XPR1: variants seen among roughly 807,000 people sequenced by gnomAD.
The protein encoded by XPR1 is solute carrier family 53 member 1.
Under a neutral mutation model 87.5 loss-of-function variants are expected in XPR1, and 28 were observed. The ratio of observed to expected loss-of-function variants is 0.32; its 90% CI spans 0.24 to 0.44. XPR1 has a LOEUF of 0.44. Ranked by LOEUF, XPR1 falls within the 20% of genes least tolerant of loss-of-function variation. The pLI is 1.00. For synonymous variants in XPR1, 300 were observed against 306.1 expected (o/e 0.98, Z 0.21); for missense variants, 559 against 862.3 (o/e 0.65, Z 4.41).
chr1:180,703,839 T>C (rs1479199373), intron 2 of XPR1, among the ~76,000 whole-genome samples: 2 of 152,144 alleles, frequency 1.3e-5, no homozygotes, highest in African/African-American at 4.8e-5. Flanking sequence ...ATTAATCTGG[T>C]CCTTAGTTGC....
intron 3 of XPR1, among the ~76,000 whole-genome samples, chr1:180,799,398 A>G (rs535867521): frequency 1.3e-5 from 2 of 151,992 alleles, no homozygotes; most frequent in Admixed American, 6.6e-5. Context: ...TTGTCTCCCA[A>G]CTTTTCTGTT....
intron 2 of XPR1, among the ~76,000 whole-genome samples, chr1:180,711,082 C>G (rs1358944353): frequency 6.6e-6 from 1 of 151,426 alleles, no homozygotes; most frequent in Non-Finnish European, 1.5e-5. Context: ...CGCTCCTCAC[C>G]TCCCAGACGG....
intron 1 of XPR1, among the ~76,000 whole-genome samples, chr1:180,653,205 G>A (rs1363350574): frequency 6.6e-6 from 1 of 152,086 alleles, no homozygotes; most frequent in African/African-American, 2.4e-5. Context: ...CAGATACAAG[G>A]CTAACCTGTA....
intron 6 of XPR1, among the ~76,000 whole-genome samples, chr1:180,807,576 A>G (rs1210970771): frequency 3.3e-5 from 5 of 152,254 alleles, no homozygotes; most frequent in Non-Finnish European, 5.9e-5. Flanking sequence ...GAGAGATGCT[A>G]TGTTCATGGG....
intron 2 of XPR1, among the ~76,000 whole-genome samples, chr1:180,709,641 GTCAATGTT>G (rs1298013955): frequency 1.3e-5 from 2 of 152,058 alleles, no homozygotes; most frequent in African/African-American, 4.8e-5. Context: ...CTTAGAATGT[GTCAATGTT>G]TCATTTTTTT....
chr1:180,704,235 A>G lies in XPR1; in HGVS notation c.121+21824A>G, dbSNP rs573300636. On this transcript the variant is annotated intron_variant, in intron 2 of 14. Coordinates refer to ENST00000367590, the MANE Select transcript of XPR1 (RefSeq NM_004736.4). ...TGTATGTATTTTTCTCAAGAACACT[A>G]TAGGTGCTGGATATATATATATATA... is the stretch of plus-strand genomic sequence containing the variant. Among the ~76,000 whole-genome samples the G allele has an allele frequency of 1.9e-4, 12 of 63,432 alleles. 1 individual carries two copies. In the South Asian group the frequency reaches 4.0e-3, roughly 21 times the overall value. 41.6% of individuals were successfully genotyped at this position (63,432 alleles called of 152,430 possible). A position where few individuals can be genotyped will look rare whatever the true frequency, so the allele number is the denominator to read the frequency against.
intron 2 of XPR1, among the ~76,000 whole-genome samples, chr1:180,724,951 C>T (rs565209798): frequency 5.9e-5 from 9 of 152,142 alleles, no homozygotes; most frequent in African/African-American, 1.9e-4. Flanking sequence ...TCCACAAACC[C>T]GTCGCCATAA....
At chr1:180,825,799 C>A (rs1650810525) in intron 9 of XPR1, among the ~76,000 whole-genome samples, 1 of 152,186 alleles carries the variant, frequency 6.6e-6, no homozygotes. Context: ...GCCTGTAATC[C>A]TAGCACTTTA....
intron 2 of XPR1, among the ~76,000 whole-genome samples, chr1:180,701,552 TC>T: frequency 1.4e-5 from 2 of 140,934 alleles, no homozygotes; most frequent in South Asian, 2.2e-4. Flanking sequence ...CAGCCTTGCA[TC>T]CCAGGGATGA....
intron 13 of XPR1, among the ~76,000 whole-genome samples, chr1:180,879,623 TC>T (rs1173442264): frequency 6.6e-6 from 1 of 152,226 alleles, no homozygotes; most frequent in African/African-American, 2.4e-5. Context: ...AAAGAAGCTT[TC>T]CCTAACCAGT....
intron 11 of XPR1, among the ~76,000 whole-genome samples, chr1:180,850,486 A>G (rs957722942): frequency 2.0e-5 from 3 of 152,162 alleles, no homozygotes; most frequent in Non-Finnish European, 2.9e-5. Context: ...TCTGATTACT[A>G]TATTCTGTAT....
intron 13 of XPR1, 101 bp from the exon 14 acceptor site, chr1:180,879,975 T>C: frequency 2.3e-6 from 3 of 1,284,058 alleles, no homozygotes; most frequent in Non-Finnish European, 3.3e-6. Context: ...AATTCTTTGT[T>C]TTTGTTTCCA....
intron 2 of XPR1, among the ~76,000 whole-genome samples, chr1:180,717,431 TAGG>T (rs1346322453): frequency 1.3e-5 from 2 of 152,096 alleles, no homozygotes; most frequent in Admixed American, 1.3e-4. Flanking sequence ...ATAATATAGT[TAGG>T]AGGATTTGGA....
rs183149224 is a variant in XPR1 at position 180,680,200 on chromosome 1, T to C, written c.70-2160T>C. The stretch of plus-strand genomic sequence containing the variant: ...TCATCTCACCCCAGTTAGGCTGTTA[T>C]CAAAACGACAAAAAACAAAACAAAA... On this transcript the variant is annotated intron_variant, in intron 1 of 14. Transcript: ENST00000367590. 7.5e-4 allele frequency among the ~76,000 whole-genome samples: 113 copies of C among 151,088 alleles called. 1 individual carries two copies. Among genetic ancestry groups the C allele is most frequent in the African/African-American group, 2.6e-3 (108 of 40,956 alleles).
At chr1:180,661,608 G>A (rs1655782746) in intron 1 of XPR1, among the ~76,000 whole-genome samples, 1 of 151,794 alleles carries the variant, frequency 6.6e-6, no homozygotes, top group Non-Finnish European at 1.5e-5. Context: ...GGTGGCTCAC[G>A]CCTGTAATCC....
Position 180,825,160 on chromosome 1 carries a change from A to G in XPR1, c.955-5A>G, listed in dbSNP as rs1650782700. 6.3e-7 allele frequency: 1 copy of G among 1,599,234 alleles called. No individual in the cohort carries two copies. On this transcript the variant is annotated splice_region_variant and splice_polypyrimidine_tract_variant and intron_variant, in intron 8 of 14. Coordinates refer to ENST00000367590, the MANE Select transcript of XPR1 (RefSeq NM_004736.4). ...TATCTTTCTGTCTTCCCCATCCTTT[A>G]CTAGATTGCTGGATTCCTCGGGATA...
intron 1 of XPR1, among the ~76,000 whole-genome samples, chr1:180,663,299 G>C (rs145973709): frequency 1.1e-4 from 16 of 152,304 alleles, no homozygotes; most frequent in African/African-American, 3.6e-4. Flanking sequence ...AAAGAGACTT[G>C]GGTGTAGTGA....
chr1:180,858,028 C>T (rs1453556019), intron 11 of XPR1, among the ~76,000 whole-genome samples: 3 of 152,084 alleles, frequency 2.0e-5, no homozygotes. Flanking sequence ...ACCAGCCTGG[C>T]CAACATGGAG....
Position 180,787,735 on chromosome 1 carries a change from T to C in XPR1, c.122-18T>C. The C allele has an allele frequency of 6.5e-7, 1 of 1,535,632 alleles. No individual in the cohort carries two copies. Among genetic ancestry groups the C allele is most frequent in the Non-Finnish European group, 8.8e-7 (1 of 1,132,902 alleles). On this transcript the variant is annotated intron_variant, in intron 2 of 14. Coordinates refer to ENST00000367590, the MANE Select transcript of XPR1 (RefSeq NM_004736.4). ...GCCTTTGGACATTAAATTTAAATATTGTTTTCCTGTCTTTCAGTTACAGAT... is the reference window on the plus strand; with the variant it reads ...GCCTTTGGACATTAAATTTAAATATCGTTTTCCTGTCTTTCAGTTACAGAT...
Sources: gnomAD v4.1 joint callset for allele counts (sites outside exome capture counted in the v4.1 genomes callset) on GRCh38, gnomAD v4.1.1 for gene constraint, MANE v1.5 for transcripts, NCBI Gene and HGNC (gene_info 2026-07-23, HGNC 2026-07-21) for gene names.